The following PDS5A variants were observed in gnomAD, a reference collection of about 807,000 sequenced individuals.
PDS5A encodes the protein sister chromatid cohesion protein PDS5 homolog A.
PDS5A carries 42 observed loss-of-function variants against 167.1 expected under a neutral mutation model. That is an observed-to-expected ratio of 0.25 (90% CI 0.20 to 0.33). The LOEUF (loss-of-function observed/expected upper bound fraction) is 0.33. Ranked by LOEUF, PDS5A falls within the 10% of genes least tolerant of loss-of-function variation. The pLI, the probability that PDS5A is intolerant of heterozygous loss-of-function variation, is 1.00. For missense variants in PDS5A, 1,033 were observed against 1,605.9 expected, an observed-to-expected ratio of 0.64 and a Z score of 6.10; for synonymous variants, 553 against 554.6, an observed-to-expected ratio of 1.00 and a Z score of 0.04.
intron 2 of PDS5A, chr4:39,932,701 C>T (rs557958924): frequency 1.4e-4 from 22 of 151,842 alleles, no homozygotes; most frequent in South Asian, 6.2e-4. Context: ...CCTGGTGGTG[C>T]GCGCCTATAA....
Position 39,842,905 on chromosome 4 carries a change from ATTTT to A in PDS5A, c.3549-853_3549-850del, listed in dbSNP as rs1158391867. On this transcript the variant is annotated intron_variant, in intron 30 of 32. Transcript: ENST00000303538. ...TGTTAGAACAATGTAAACTTATCCTATTTTTATATATATATATATATATATATAT... is the reference window on the plus strand; with the variant it reads ...TGTTAGAACAATGTAAACTTATCCTATATATATATATATATATATATATAT... Among the ~76,000 whole-genome samples, 49 of 72,752 alleles carry A rather than the reference ATTTT, an allele frequency of 6.7e-4. 1 individual carries two copies. The highest frequency in any genetic ancestry group is 2.1e-3 in the South Asian group (4 of 1,868). 47.7% of individuals were successfully genotyped at this position (72,752 alleles called of 152,430 possible).
At chr4:39,914,050 T>G (rs1160976567) in intron 8 of PDS5A, among the ~76,000 whole-genome samples, 2 of 151,986 alleles carry the variant, frequency 1.3e-5, no homozygotes, top group Non-Finnish European at 2.9e-5. Context: ...TATAAAAACA[T>G]CTATGAAGGA....
chr4:39,861,067 A>T (rs1335275771), intron 26 of PDS5A, among the ~76,000 whole-genome samples: 6 of 137,414 alleles, frequency 4.4e-5, no homozygotes, highest in African/African-American at 1.6e-4. Flanking sequence ...TTGTCTCATT[A>T]AAAAAAAAAA....
chr4:39,898,359 G>C (rs73229703), intron 16 of PDS5A, 30 bp downstream of exon 16: 15,952 of 1,511,546 alleles, frequency 0.011, 105 homozygotes, highest in Middle Eastern at 0.027. Context: ...AGTAAAGCTA[G>C]AGAAAAAGTG....
At chr4:39,873,451 G>C (rs1212251199) in intron 20 of PDS5A, among the ~76,000 whole-genome samples, 1 of 152,100 alleles carries the variant, frequency 6.6e-6, no homozygotes, top group East Asian at 1.9e-4. Flanking sequence ...TACAACAATG[G>C]ATTTGCTATA....
At chr4:39,897,365 T>C (rs1206244545) in intron 16 of PDS5A, among the ~76,000 whole-genome samples, 2 of 152,114 alleles carry the variant, frequency 1.3e-5, no homozygotes, top group Middle Eastern at 3.2e-3. Context: ...TTGAAGGAGT[T>C]TGAGACCACC....
intron 26 of PDS5A, among the ~76,000 whole-genome samples, chr4:39,859,465 C>T (rs1455010977): frequency 6.6e-6 from 1 of 152,056 alleles, no homozygotes; most frequent in African/African-American, 2.4e-5. Context: ...TTAGTTGGAA[C>T]TTCAAATTAC....
chr4:39,958,105 T>A (rs922893744), intron 2 of PDS5A, among the ~76,000 whole-genome samples: 17 of 152,138 alleles, frequency 1.1e-4, no homozygotes, highest in African/African-American at 4.1e-4. Context: ...CTACCCAAGC[T>A]GGTAGCAAAC....
chr4:39,949,793 C>T (rs1728157635), intron 2 of PDS5A, among the ~76,000 whole-genome samples: 1 of 89,688 alleles, frequency 1.1e-5, no homozygotes, highest in African/African-American at 4.2e-5. Flanking sequence ...GCACTCCAGC[C>T]AGGGCGACAG....
In PDS5A at chr4:39,873,094, T is replaced by A. The variant is rs370463708; in HGVS notation, c.2328A>T (p.Pro776=). Residue 776 remains proline, a synonymous_variant, in exon 21 of 33, where the codon CCA becomes CCT. Transcript: ENST00000303538. ...TAGAAATGTGGCCCAATGAAACTAA[T>A]GGAGTTATAAGTTGTTCTGGCACAT... ...NADVPEQLIT[P]LVSLGHISML... 2.4e-4 allele frequency: 368 copies of A among 1,543,632 alleles called. No homozygotes were observed. The highest frequency in any genetic ancestry group is 3.1e-4 in the Non-Finnish European group (354 of 1,132,124).
chr4:39,866,167 T>G lies in PDS5A; in HGVS notation c.2642+694A>C, dbSNP rs146065272. On this transcript the variant is annotated intron_variant, in intron 23 of 32. Coordinates refer to ENST00000303538, the MANE Select transcript of PDS5A (RefSeq NM_001100399.2). ...TCTCGCTCTGTTGCCCAGGCTGGAG[T>G]GCGGTGGCACGATCTCAGCTCACTG... is the stretch of plus-strand genomic sequence containing the variant. Among the ~76,000 whole-genome samples, 889 of 152,282 alleles carry G rather than the reference T, an allele frequency of 5.8e-3. 9 individuals carry two copies. The highest frequency in any genetic ancestry group is 0.02 in the African/African-American group (817 of 41,568).
In PDS5A at chr4:39,932,302, T is replaced by G. The variant is rs113476023; in HGVS notation, c.139-4138A>C. ...TGCCCCTATGGGAATGTACCCACCA[T>G]GCTATTAGGAATCCCAGACTATTCA... is the stretch of plus-strand genomic sequence containing the variant. On this transcript the variant is annotated intron_variant, in intron 2 of 32. Coordinates refer to ENST00000303538, the MANE Select transcript of PDS5A (RefSeq NM_001100399.2). 5.8e-3 allele frequency among the ~76,000 whole-genome samples: 882 copies of G among 152,332 alleles called. 11 individuals carry two copies. The highest frequency in any genetic ancestry group is 0.02 in the African/African-American group (848 of 41,578).
intron 2 of PDS5A, 82 bp downstream of exon 2, chr4:39,976,358 A>C: frequency 8.2e-7 from 1 of 1,214,898 alleles, no homozygotes; most frequent in South Asian, 1.5e-5. Context: ...TTGGAACTTT[A>C]AAGGCCAGAC....
At chr4:39,852,494 A>T (rs1718202855) in intron 26 of PDS5A, among the ~76,000 whole-genome samples, 1 of 152,068 alleles carries the variant, frequency 6.6e-6, no homozygotes, top group African/African-American at 2.4e-5. Flanking sequence ...CTTTCCCTCC[A>T]AAAAGAATCT....
chr4:39,892,019 G>T lies in PDS5A; in HGVS notation c.1771-1655C>A, dbSNP rs111947671. Among the ~76,000 whole-genome samples the T allele has an allele frequency of 9.5e-3, 1,451 of 152,272 alleles. 26 individuals carry two copies. The highest frequency in any genetic ancestry group is 0.033 in the African/African-American group (1,383 of 41,536). ...CCAGCTACTCAGGAGGCTGAGGTGGGGGGGATCACTTGAGCCTGGTAGGCA... is the reference window on the plus strand; with the variant it reads ...CCAGCTACTCAGGAGGCTGAGGTGGTGGGGATCACTTGAGCCTGGTAGGCA... On this transcript the variant is annotated intron_variant, in intron 16 of 32. Coordinates refer to ENST00000303538, the MANE Select transcript of PDS5A (RefSeq NM_001100399.2).
chr4:39,967,148 A>G (rs1730050529), intron 2 of PDS5A, among the ~76,000 whole-genome samples: 2 of 151,132 alleles, frequency 1.3e-5, no homozygotes, highest in African/African-American at 2.4e-5. Flanking sequence ...CCACCAAAAT[A>G]TAAAAAGTTA....
At chr4:39,831,538 C>T (rs1715873727) in intron 32 of PDS5A, among the ~76,000 whole-genome samples, 1 of 151,990 alleles carries the variant, frequency 6.6e-6, no homozygotes, top group Non-Finnish European at 1.5e-5. Context: ...ATATCAAATA[C>T]AATTTATCAT....
intron 7 of PDS5A, among the ~76,000 whole-genome samples, chr4:39,917,504 G>A (rs1192689027): frequency 6.6e-6 from 1 of 152,128 alleles, no homozygotes; most frequent in Non-Finnish European, 1.5e-5. Context: ...GACAGTCTGT[G>A]TAGTTCATTA....
intron 2 of PDS5A, among the ~76,000 whole-genome samples, chr4:39,947,091 A>T (rs2109778659): frequency 6.6e-6 from 1 of 152,220 alleles, no homozygotes; most frequent in East Asian, 1.9e-4. Flanking sequence ...GAGAAAAAAA[A>T]ATTAATTAAA....
Sources: allele counts gnomAD v4.1 joint callset (sites outside exome capture counted in the v4.1 genomes callset), GRCh38; gene constraint gnomAD v4.1.1; transcripts MANE v1.5; gene names NCBI Gene and HGNC (gene_info 2026-07-23, HGNC 2026-07-21).